The following POM121C variants were observed in gnomAD, a reference collection of about 807,000 sequenced individuals.
POM121C encodes POM121 transmembrane nucleoporin C, also known as nuclear envelope pore membrane protein POM 121C.
POM121C carries 20 observed loss-of-function variants against 66.4 expected under a neutral mutation model. The ratio of observed to expected loss-of-function variants is 0.30; its 90% confidence interval spans 0.21 to 0.44. The LOEUF (loss-of-function observed/expected upper bound fraction) is 0.44, where lower values mean the gene tolerates loss of function less well. Among genes scored for constraint, POM121C ranks in the 20% least tolerant of loss-of-function variants. POM121C has a pLI of 1.00. For missense variants in POM121C, 580 were observed against 1,225.7 expected (o/e 0.47, Z 7.87); for synonymous variants, 286 against 528.0 (o/e 0.54, Z 6.28).
intron 3 of POM121C, among the ~76,000 whole-genome samples, chr7:75,473,665 T>A (rs1399440492): frequency 6.6e-6 from 1 of 151,132 alleles, no homozygotes; most frequent in African/African-American, 2.4e-5. Context: ...AAGTCCAAGG[T>A]TTTTTTTTGT....
intron 3 of POM121C, among the ~76,000 whole-genome samples, chr7:75,469,612 C>T (rs1455749863): frequency 5.3e-4 from 80 of 152,282 alleles, no homozygotes; most frequent in African/African-American, 1.9e-3. Flanking sequence ...GTTCAACCTG[C>T]AAAGATTCCC....
chr7:75,425,912 T>C (rs1475482364), intron 8 of POM121C, among the ~76,000 whole-genome samples: 1 of 141,572 alleles, frequency 7.1e-6, no homozygotes, highest in African/African-American at 2.4e-5. Context: ...AAGACAGTTT[T>C]TGTCTTAAAA....
chr7:75,444,266 G>C (rs1790762466), intron 3 of POM121C, among the ~76,000 whole-genome samples: 1 of 125,754 alleles, frequency 8.0e-6, no homozygotes, highest in South Asian at 3.1e-4. Context: ...AAGGGGGGGG[G>C]GGGCGGAGGG....
chr7:75,484,662 C>CAAAA (rs10690558), intron 1 of POM121C, among the ~76,000 whole-genome samples: 4,524 of 48,614 alleles, frequency 0.093, 432 homozygotes, highest in Middle Eastern at 0.17. Context: ...GACACTGTCT[C>CAAAA]AAAAAAAAAA....
chr7:75,428,451 T>A (rs587669945), intron 7 of POM121C, among the ~76,000 whole-genome samples: 2 of 152,228 alleles, frequency 1.3e-5, no homozygotes, highest in African/African-American at 4.8e-5. Context: ...TGTGGAACTT[T>A]AAAAGCACAT....
chr7:75,478,278 T>C (rs782678284), intron 1 of POM121C, among the ~76,000 whole-genome samples: 2 of 152,064 alleles, frequency 1.3e-5, no homozygotes, highest in Non-Finnish European at 2.9e-5. Context: ...GAAGCAGTGG[T>C]TTTCAAGGCA....
intron 7 of POM121C, among the ~76,000 whole-genome samples, chr7:75,433,138 G>A (rs1790248727): frequency 7.0e-6 from 1 of 143,696 alleles, no homozygotes; most frequent in Non-Finnish European, 1.5e-5. Context: ...GGGAGGCTGA[G>A]GCAAGAGAAT....
intron 5 of POM121C, chr7:75,440,714 A>G: frequency 1.7e-6 from 1 of 582,970 alleles, no homozygotes; most frequent in Non-Finnish European, 3.1e-6. Flanking sequence ...CATGGCTAAT[A>G]GCTGTCAGCT....
At chr7:75,474,050 A>G (rs879953196) in intron 3 of POM121C, among the ~76,000 whole-genome samples, 16 of 152,194 alleles carry the variant, frequency 1.1e-4, no homozygotes, top group Non-Finnish European at 2.1e-4. Flanking sequence ...AATGAACATA[A>G]AAGTCTCAAG....
At position 75,425,696 on chromosome 7, in the gene POM121C, C is replaced by T. The variant is rs1789916493; in HGVS notation, c.585G>A (p.Leu195=). The change falls in exon 9 of 15, where the codon CTG becomes CTA. Residue 195 remains leucine, a synonymous_variant. Transcript: ENST00000615331. The stretch of plus-strand genomic sequence containing the variant: ...GAGTTGAAGAACTGGAATGATGACA[C>T]AGCTCTTCTTCTCTGTTGGGAAAAA... ...RPAKKIREEE[L]CHHSSSSTPL... is the part of the protein sequence containing the mutation. 3 of 1,612,770 alleles carry T rather than the reference C, an allele frequency of 1.9e-6. No homozygotes were observed. The highest frequency in any genetic ancestry group is 1.7e-6 in the Non-Finnish European group (2 of 1,179,488).
intron 12 of POM121C, among the ~76,000 whole-genome samples, chr7:75,423,839 T>A (rs1395077786): frequency 6.6e-6 from 1 of 152,188 alleles, no homozygotes; most frequent in East Asian, 1.9e-4. Flanking sequence ...AAGCCAGGCT[T>A]CAGATCCTGA....
chr7:75,476,933 A>C (rs185379085), intron 1 of POM121C, among the ~76,000 whole-genome samples: 210 of 152,268 alleles, frequency 1.4e-3, no homozygotes, highest in African/African-American at 4.8e-3. Flanking sequence ...AAAAAGCTTG[A>C]CAGAAAAAGC....
intron 1 of POM121C, among the ~76,000 whole-genome samples, chr7:75,485,092 G>A (rs1792468209): frequency 1.3e-5 from 2 of 152,070 alleles, no homozygotes; most frequent in South Asian, 4.1e-4. Flanking sequence ...GGATACTCTT[G>A]CCCTAGCCCC....
At chr7:75,424,470 C>A in intron 11 of POM121C, 56 bp downstream of exon 11, 1 of 1,584,936 alleles carries the variant, frequency 6.3e-7, no homozygotes, top group Non-Finnish European at 8.6e-7. Context: ...CAAAATAAAA[C>A]CAAAGAAAAC....
chr7:75,471,151 C>T (rs1369521107), intron 3 of POM121C, among the ~76,000 whole-genome samples: 1 of 152,146 alleles, frequency 6.6e-6, no homozygotes, highest in African/African-American at 2.4e-5. Flanking sequence ...ATGAGCTAAG[C>T]ATCTAAACCG....
Position 75,422,041 on chromosome 7 carries a change from G to C in POM121C, c.2211C>G (p.Ala737=), listed in dbSNP as rs117499978. The change falls in exon 13 of 15, where the codon GCC becomes GCG. Residue 737 remains alanine, a synonymous_variant. Transcript: ENST00000615331. ...GSSFTFGNSA[A]PAPATAPTPA... ...GTGTGGGTGCAGTAGCCGGGGCCGGGGCTGCAGAGTTTCCAAAAGTGAAAG... is the reference window on the plus strand; with the variant it reads ...GTGTGGGTGCAGTAGCCGGGGCCGGCGCTGCAGAGTTTCCAAAAGTGAAAG... The C allele has an allele frequency of 0.092, 147,803 of 1,612,562 alleles. 7,744 individuals are homozygous for C. Among genetic ancestry groups the C allele is most frequent in the Non-Finnish European group, 0.1 (121,044 of 1,179,060 alleles).
At chr7:75,470,126 G>C (rs1289168614) in intron 3 of POM121C, among the ~76,000 whole-genome samples, 1 of 149,810 alleles carries the variant, frequency 6.7e-6, no homozygotes, top group African/African-American at 2.5e-5. Context: ...ATGTTACCCA[G>C]GCTGGTCTCG....
In POM121C at chr7:75,486,130, C is replaced by T. The variant is rs1173965517; in HGVS notation, c.-724G>A. 45 of 340,678 alleles carry T rather than the reference C, an allele frequency of 1.3e-4. No individual in the cohort carries two copies. Among genetic ancestry groups the T allele is most frequent in the Non-Finnish European group, 2.3e-4 (41 of 178,080 alleles). The allele number at this position is 340,678 out of a possible 1,614,324, so 21.1% of individuals were successfully genotyped here. ...CACGCTCGGGGGTCCCAGCTCGAGC[C>T]TCTACCCGGCCCGCGCGAACCCTGG... On this transcript the variant is annotated 5_prime_UTR_variant, in exon 1 of 15. Transcript: ENST00000615331.
At chr7:75,448,311 G>A (rs775068492) in intron 3 of POM121C, among the ~76,000 whole-genome samples, 3 of 151,850 alleles carry the variant, frequency 2.0e-5, no homozygotes, top group African/African-American at 7.3e-5. Context: ...TGTCCTTCAG[G>A]CAGAAGAAAA....
Sources: gnomAD v4.1 joint callset for allele counts (sites outside exome capture counted in the v4.1 genomes callset) on GRCh38, gnomAD v4.1.1 for gene constraint, MANE v1.5 for transcripts, NCBI Gene and HGNC (gene_info 2026-07-23, HGNC 2026-07-21) for gene names.